CDH13: variants seen among roughly 807,000 people sequenced by gnomAD.
CDH13 encodes the protein cadherin-13.
CDH13 carries 24 observed loss-of-function variants against 63.8 expected under a neutral mutation model. The observed-to-expected ratio is 0.38, with a 90% CI of 0.27 to 0.53. CDH13 has a LOEUF of 0.53. Among genes scored for constraint, CDH13 ranks in the 20% least tolerant of loss-of-function variants. CDH13 has a pLI of 0.85. For missense variants in CDH13, 1,049 were observed against 903.1 expected (o/e 1.16, Z -2.07); for synonymous variants, 503 against 355.3 (o/e 1.42, Z -4.67).
At chr16:83,280,754 A>T (rs912076078) in intron 5 of CDH13, among the ~76,000 whole-genome samples, 2 of 152,222 alleles carry the variant, frequency 1.3e-5, no homozygotes, top group Non-Finnish European at 2.9e-5. Context: ...TTACTCCTTG[A>T]TCCATGAGTT....
chr16:83,326,425 C>CTTTTTTT (rs1241180598), intron 5 of CDH13, among the ~76,000 whole-genome samples: 2 of 126,638 alleles, frequency 1.6e-5, no homozygotes, highest in Non-Finnish European at 1.7e-5. Context: ...ACACTTGGTG[C>CTTTTTTT]TTTTTTTTTT....
At chr16:83,674,801 C>T (rs899926669) in intron 9 of CDH13, among the ~76,000 whole-genome samples, 2 of 152,326 alleles carry the variant, frequency 1.3e-5, no homozygotes, top group African/African-American at 2.4e-5. Flanking sequence ...CTTTCTAAAC[C>T]GATTCTAAAA....
intron 10 of CDH13, chr16:83,717,117 A>C (rs983400374): frequency 2.0e-5 from 3 of 152,186 alleles, no homozygotes; most frequent in African/African-American, 7.2e-5. Flanking sequence ...AAAATTAGCC[A>C]GGGGTAGTGG....
intron 4 of CDH13, among the ~76,000 whole-genome samples, chr16:83,143,018 C>T (rs1476748847): frequency 6.6e-6 from 1 of 152,148 alleles, no homozygotes; most frequent in Non-Finnish European, 1.5e-5. Flanking sequence ...GCAGGAAAAT[C>T]GCTTGAACCC....
intron 11 of CDH13, among the ~76,000 whole-genome samples, chr16:83,776,540 G>GTCTTTGGGT (rs1915125345): frequency 6.6e-6 from 1 of 152,188 alleles, no homozygotes; most frequent in African/African-American, 2.4e-5. Flanking sequence ...CTCTGTAGCT[G>GTCTTTGGGT]TCTTTGGGTG....
Position 83,434,847 on chromosome 16 carries a change from ATGTGTGTGCG to A in CDH13, c.782-51621_782-51612del, listed in dbSNP as rs1474692647. On this transcript the variant is annotated intron_variant, in intron 6 of 13. Transcript: ENST00000567109. ...CTGCACCTATTTAAAATATATATAT[ATGTGTGTGCG>A]TGTGTGTGTGTGTGTGTGTGTGTGT... 3.9e-3 allele frequency among the ~76,000 whole-genome samples: 321 copies of A among 81,514 alleles called. 2 individuals are homozygous for A. The highest frequency in any genetic ancestry group is 0.011 in the African/African-American group (304 of 26,548). The allele number at this position is 81,514 out of a possible 152,430, so 53.5% of individuals were successfully genotyped here.
intron 5 of CDH13, among the ~76,000 whole-genome samples, chr16:83,302,472 C>T (rs1167465529): frequency 6.6e-6 from 1 of 152,224 alleles, no homozygotes; most frequent in African/African-American, 2.4e-5. Context: ...ATTTTTCACA[C>T]TGCACAAATG....
At chr16:82,693,000 C>G (rs1028393619) in intron 1 of CDH13, among the ~76,000 whole-genome samples, 1 of 152,178 alleles carries the variant, frequency 6.6e-6, no homozygotes, top group African/African-American at 2.4e-5. Context: ...TTGTTAGATT[C>G]TCTCTCTTGC....
At chr16:83,003,330 C>G (rs1913135335) in intron 2 of CDH13, among the ~76,000 whole-genome samples, 1 of 151,704 alleles carries the variant, frequency 6.6e-6, no homozygotes. Flanking sequence ...GTTTCAGTAG[C>G]TTTGTGACTC....
rs368608877 is a variant in CDH13 at position 82,949,418 on chromosome 16, C to CATGT, written c.158-82591_158-82588dup. ...TAACGGCTTCCTCTTAACTCGATGA[C>CATGT]ATGTGCACAGATTCTATTCCCAAAT... is the stretch of plus-strand genomic sequence containing the variant. On this transcript the variant is annotated intron_variant, in intron 2 of 13. Coordinates refer to ENST00000567109, the MANE Select transcript of CDH13 (RefSeq NM_001257.5). 3.3e-3 allele frequency among the ~76,000 whole-genome samples: 496 copies of CATGT among 152,308 alleles called. 3 individuals are homozygous for CATGT. Among genetic ancestry groups the CATGT allele is most frequent in the African/African-American group, 0.011 (475 of 41,564 alleles).
intron 2 of CDH13, among the ~76,000 whole-genome samples, chr16:82,975,229 A>G (rs1909332941): frequency 1.3e-5 from 2 of 152,180 alleles, no homozygotes; most frequent in Admixed American, 1.3e-4. Flanking sequence ...TTGGGAGAGG[A>G]TGCACAAATC....
intron 1 of CDH13, among the ~76,000 whole-genome samples, chr16:82,750,980 C>T (rs1282130997): frequency 6.6e-6 from 1 of 152,224 alleles, no homozygotes; most frequent in South Asian, 2.1e-4. Context: ...TAGTCATCAG[C>T]AGTTTGCAAA....
chr16:82,876,964 A>G (rs556127921), intron 2 of CDH13, among the ~76,000 whole-genome samples: 2 of 152,336 alleles, frequency 1.3e-5, no homozygotes, highest in East Asian at 3.9e-4. Context: ...GCATGCACCC[A>G]AACAGCTCAT....
chr16:83,032,370 G>C (rs1916444870), intron 3 of CDH13, 152 bp downstream of exon 3: 1 of 622,274 alleles, frequency 1.6e-6, no homozygotes, highest in Admixed American at 2.9e-5. Context: ...TAAAAATGTA[G>C]ATGAGGGGCA....
chr16:83,595,981 G>A (rs11860213), intron 7 of CDH13, among the ~76,000 whole-genome samples: 37,847 of 152,118 alleles, frequency 0.25, 5,355 homozygotes, highest in African/African-American at 0.38. Context: ...CAGCCAAGCT[G>A]CTTCTTCCCG....
intron 7 of CDH13, among the ~76,000 whole-genome samples, chr16:83,564,915 T>C (rs2075766601): frequency 6.6e-6 from 1 of 151,948 alleles, no homozygotes. Context: ...TTGTTGTTGG[T>C]TTTGTTGTTG....
At chr16:82,940,233 A>G (rs10871440) in intron 2 of CDH13, among the ~76,000 whole-genome samples, 47,657 of 152,080 alleles carry the variant, frequency 0.31, 9,555 homozygotes, top group African/African-American at 0.58. Context: ...AGAGGAAGAC[A>G]TCAGTATAAA....
chr16:83,328,941 G>A (rs1392147809), intron 5 of CDH13, among the ~76,000 whole-genome samples: 1 of 152,196 alleles, frequency 6.6e-6, no homozygotes, highest in African/African-American at 2.4e-5. Flanking sequence ...TTTCCATGAA[G>A]GTCTTGTTCA....
intron 2 of CDH13, among the ~76,000 whole-genome samples, chr16:82,914,280 G>C (rs2041918697): frequency 6.6e-6 from 1 of 152,142 alleles, no homozygotes; most frequent in Admixed American, 6.5e-5. Flanking sequence ...AAGAAGCATT[G>C]AGTCCTAACT....
Sources: allele counts gnomAD v4.1 joint callset (sites outside exome capture counted in the v4.1 genomes callset), GRCh38; gene constraint gnomAD v4.1.1; transcripts MANE v1.5; gene names NCBI Gene and HGNC (gene_info 2026-07-23, HGNC 2026-07-21).